Variants in TEK observed in about 807,000 individuals in gnomAD.
TEK encodes the protein angiopoietin-1 receptor.
In TEK, 43 loss-of-function variants were observed where a neutral mutation model predicts 131.8. The ratio of observed to expected loss-of-function variants is 0.33; its 90% CI spans 0.26 to 0.42. TEK has a LOEUF of 0.42. Ranked by LOEUF, TEK falls within the 10% of genes least tolerant of loss-of-function variation. TEK has a pLI of 1.00. For missense variants in TEK, 1,162 were observed against 1,384.4 expected (o/e 0.84, Z 2.55); for synonymous variants, 580 against 491.6 (o/e 1.18, Z -2.38).
intron 12 of TEK, 75 bp from the exon 13 acceptor site, chr9:27,202,745 C>A: frequency 6.7e-7 from 1 of 1,494,082 alleles, no homozygotes; most frequent in Non-Finnish European, 9.3e-7. Context: ...CTGACATGAA[C>A]TCTATCTCAA....
At chr9:27,151,910 G>A (rs571010050) in intron 1 of TEK, among the ~76,000 whole-genome samples, 5 of 152,232 alleles carry the variant, frequency 3.3e-5, no homozygotes, top group Admixed American at 6.5e-5. Context: ...AAACAATTTC[G>A]CAAAATATCC....
intron 6 of TEK, among the ~76,000 whole-genome samples, chr9:27,175,508 T>C (rs1334971106): frequency 1.3e-5 from 2 of 152,180 alleles, no homozygotes; most frequent in Non-Finnish European, 2.9e-5. Flanking sequence ...TACCCAGTAA[T>C]GGGGTGGCTG....
In TEK at chr9:27,206,795, C is replaced by T. The variant is rs1204233152; in HGVS notation, c.2575+3C>T. 20 of 1,613,450 alleles carry T rather than the reference C, an allele frequency of 1.2e-5. No individual in the cohort carries two copies. The highest frequency in any genetic ancestry group is 1.7e-4 in the Middle Eastern group (1 of 6,018). On this transcript the variant is annotated splice_donor_region_variant and intron_variant, in intron 15 of 22. Transcript: ENST00000380036. ...TGCTGCCATCAAAAGAATGAAAGGT[C>T]AGTGGTTGACCAGATAGAGTCAGCA...
intron 6 of TEK, among the ~76,000 whole-genome samples, chr9:27,175,249 G>A (rs896633410): frequency 6.7e-6 from 1 of 148,572 alleles, no homozygotes; most frequent in African/African-American, 2.5e-5. Context: ...TTGGTTTTTT[G>A]TCCTTGTGAT....
chr9:27,144,322 A>G (rs969959678), intron 1 of TEK, among the ~76,000 whole-genome samples: 2 of 152,178 alleles, frequency 1.3e-5, no homozygotes, highest in African/African-American at 4.8e-5. Context: ...AGCGTAGCTC[A>G]TGCGAAGATG....
At chr9:27,180,510 T>G (rs1824327266) in intron 7 of TEK, 142 bp downstream of exon 7, 1 of 1,241,156 alleles carries the variant, frequency 8.1e-7, no homozygotes, top group Non-Finnish European at 1.1e-6. Flanking sequence ...TTATCCTAAA[T>G]CCTAAAGCAC....
chr9:27,146,850 C>T (rs570830828), intron 1 of TEK, among the ~76,000 whole-genome samples: 12 of 151,854 alleles, frequency 7.9e-5, no homozygotes, highest in Admixed American at 3.9e-4. Context: ...CTGCCTCAGC[C>T]TCTCGAGTAG....
chr9:27,131,281 A>G (rs1310260148), intron 1 of TEK, among the ~76,000 whole-genome samples: 2 of 151,968 alleles, frequency 1.3e-5, no homozygotes, highest in African/African-American at 4.8e-5. Flanking sequence ...CAGGAGTTCG[A>G]GACCAGCCTG....
At chr9:27,213,625 C>T in intron 18 of TEK, 28 bp downstream of exon 18, 1 of 1,549,526 alleles carries the variant, frequency 6.5e-7, no homozygotes, top group Non-Finnish European at 8.9e-7. Flanking sequence ...ACACTGATCG[C>T]ATCCTTTCCG....
chr9:27,181,424 A>G (rs1004000017), intron 7 of TEK, among the ~76,000 whole-genome samples: 1 of 152,218 alleles, frequency 6.6e-6, no homozygotes, highest in African/African-American at 2.4e-5. Context: ...GTATTGTTCA[A>G]GGGTCAACCA....
At chr9:27,170,496 A>C (rs1823913138) in intron 4 of TEK, among the ~76,000 whole-genome samples, 1 of 152,164 alleles carries the variant, frequency 6.6e-6, no homozygotes, top group African/African-American at 2.4e-5. Flanking sequence ...ATGGTGATGC[A>C]TGCCTGTAGT....
intron 1 of TEK, among the ~76,000 whole-genome samples, chr9:27,137,165 G>A (rs187872130): frequency 1.3e-5 from 2 of 151,906 alleles, no homozygotes; most frequent in Non-Finnish European, 2.9e-5. Flanking sequence ...TGATCCACCC[G>A]CCTCGGCCTC....
At chr9:27,226,256 A>T (rs531333494) in intron 21 of TEK, among the ~76,000 whole-genome samples, 81 of 152,380 alleles carry the variant, frequency 5.3e-4, no homozygotes, top group Non-Finnish European at 7.3e-4. Context: ...ATTATAAATC[A>T]TTCTACTATA....
At chr9:27,187,424 G>T (rs581724) in intron 9 of TEK, among the ~76,000 whole-genome samples, 67,935 of 151,986 alleles carry the variant, frequency 0.45, 15,631 homozygotes, top group Admixed American at 0.53. Context: ...ACTTAGCCTG[G>T]GAACCAGCAG....
rs185708137 is a variant in TEK at position 27,218,862 on chromosome 9, G to A, written c.3103+45G>A. 2.7e-4 allele frequency: 430 copies of A among 1,587,426 alleles called. 2 individuals are homozygous for A. The highest frequency in any genetic ancestry group is 2.3e-5 in the Non-Finnish European group (27 of 1,155,840). On this transcript the variant is annotated intron_variant, in intron 20 of 22. Transcript: ENST00000380036. ...TACCAGGTGAGACTCTAGGCAAAGT[G>A]AGTGGAAGCCTCTAGCACTCCCTTG... is the stretch of plus-strand genomic sequence containing the variant.
chr9:27,155,347 G>T (rs1823292848), intron 1 of TEK, among the ~76,000 whole-genome samples: 1 of 152,144 alleles, frequency 6.6e-6, no homozygotes, highest in South Asian at 2.1e-4. Context: ...TACCAATGAG[G>T]CTAGAAGTAA....
At chr9:27,204,763 T>A in intron 13 of TEK, 148 bp from the exon 14 acceptor site, 1 of 959,586 alleles carries the variant, frequency 1.0e-6, no homozygotes, top group South Asian at 1.3e-5. Flanking sequence ...GGAATATAAA[T>A]GAGTAGCCCG....
intron 1 of TEK, among the ~76,000 whole-genome samples, chr9:27,133,979 G>A (rs1182642733): frequency 1.3e-5 from 2 of 152,176 alleles, no homozygotes; most frequent in Non-Finnish European, 2.9e-5. Context: ...GCCAATAGTC[G>A]TTAGAGGTAC....
intron 1 of TEK, among the ~76,000 whole-genome samples, chr9:27,140,442 G>A (rs1024818043): frequency 6.6e-6 from 1 of 151,048 alleles, no homozygotes; most frequent in Non-Finnish European, 1.5e-5. Flanking sequence ...CAATGCTGGA[G>A]GAAAACCTAC....
Sources: gnomAD v4.1 joint callset for allele counts (sites outside exome capture counted in the v4.1 genomes callset) on GRCh38, gnomAD v4.1.1 for gene constraint, MANE v1.5 for transcripts, NCBI Gene and HGNC (gene_info 2026-07-23, HGNC 2026-07-21) for gene names.